Variants in NF2 observed in about 807,000 individuals in gnomAD.
NF2 encodes the protein NF2, moesin-ezrin-radixin like (MERLIN) tumor suppressor, also known as merlin.
In NF2, 8 loss-of-function variants were observed where a neutral mutation model predicts 83.7. The ratio of observed to expected loss-of-function variants is 0.10; its 90% CI spans 0.06 to 0.17. The LOEUF (loss-of-function observed/expected upper bound fraction) is 0.17, where lower values mean the gene tolerates loss of function less well. Ranked by LOEUF, NF2 falls within the 10% of genes least tolerant of loss-of-function variation. The pLI is 1.00. For synonymous variants in NF2, 266 were observed against 269.6 expected (o/e 0.99, Z 0.13); for missense variants, 533 against 744.4 (o/e 0.72, Z 3.31).
intron 1 of NF2, among the ~76,000 whole-genome samples, chr22:29,622,646 ATTTTTTTTTTTTTTTTT>A (rs35744962): frequency 1.6e-5 from 1 of 63,260 alleles, no homozygotes; most frequent in African/African-American, 6.2e-5. Context: ...AAGACCCTGT[ATTTTTTTTTTTTTTTTT>A]TTTTTTTTTT....
At chr22:29,642,960 CTTTTTTT>C (rs566160360) in intron 4 of NF2, among the ~76,000 whole-genome samples, 26 of 144,742 alleles carry the variant, frequency 1.8e-4, no homozygotes, top group Non-Finnish European at 3.5e-4. Flanking sequence ...CACTATAGAC[CTTTTTTT>C]TTTTTTTACA....
chr22:29,695,208 C>A lies in NF2; in HGVS notation c.*406C>A. The A allele has an allele frequency of 5.1e-6, 2 of 391,438 alleles. No homozygotes were observed. The highest frequency in any genetic ancestry group is 7.4e-5 in the Admixed American group (2 of 26,916). The allele number at this position is 391,438 out of a possible 1,614,324, so 24.2% of individuals were successfully genotyped here. Reference sequence around the variant, plus strand: ...GAGAAGCCAGTGCCATCATCCCCACCCCGCCCAGGGTTCCGGAACATTCAT... The same window carrying A: ...GAGAAGCCAGTGCCATCATCCCCACACCGCCCAGGGTTCCGGAACATTCAT... On this transcript the variant is annotated 3_prime_UTR_variant, in exon 16 of 16. Coordinates refer to ENST00000338641, the MANE Select transcript of NF2 (RefSeq NM_000268.4). This position sits in a 1 kb window ranked among gnomAD's most constrained non-coding sequence, Gnocchi z 5.4.
intron 10 of NF2, among the ~76,000 whole-genome samples, chr22:29,670,104 T>C (rs759675264): frequency 2.6e-5 from 4 of 152,036 alleles, no homozygotes; most frequent in Non-Finnish European, 4.4e-5. Context: ...GCTTGAGCAA[T>C]CCTTCTGCCT....
intron 1 of NF2, among the ~76,000 whole-genome samples, chr22:29,626,424 T>A (rs1569274001): frequency 6.6e-6 from 1 of 152,032 alleles, no homozygotes; most frequent in Non-Finnish European, 1.5e-5. Context: ...AGTGCTGGGA[T>A]TACATGTGCG....
intron 1 of NF2, among the ~76,000 whole-genome samples, chr22:29,624,826 T>TTTC (rs1491127316): frequency 1.4e-5 from 2 of 141,176 alleles, no homozygotes; most frequent in African/African-American, 5.3e-5. Context: ...TCTTTCTTTC[T>TTTC]TTCTTTCTTT....
At chr22:29,637,105 C>T (rs1042749333) in intron 2 of NF2, among the ~76,000 whole-genome samples, 27 of 152,204 alleles carry the variant, frequency 1.8e-4, no homozygotes, top group Non-Finnish European at 2.5e-4. Context: ...GCTGCTGGCC[C>T]TGGCTTCTTT....
chr22:29,654,821 G>A, intron 5 of NF2, 96 bp downstream of exon 5: 2 of 903,222 alleles, frequency 2.2e-6, no homozygotes, highest in South Asian at 1.3e-5. Flanking sequence ...GAAGTACATA[G>A]CAATTTAATT....
chr22:29,644,254 G>A (rs1277779304), intron 4 of NF2, among the ~76,000 whole-genome samples: 4 of 151,348 alleles, frequency 2.6e-5, no homozygotes, highest in South Asian at 2.1e-4. Context: ...GGTGGCGGCC[G>A]GGCAGAGGCG....
chr22:29,613,782 T>TG lies in NF2; in HGVS notation c.114+9672dup, dbSNP rs1435626225. Among the ~76,000 whole-genome samples, 4 of 150,696 alleles carry TG rather than the reference T, an allele frequency of 2.7e-5. No individual in the cohort carries two copies. In the South Asian group the frequency reaches 6.3e-4, roughly 24 times the overall value. Reference sequence around the variant, plus strand: ...TTCTTTTTTCTTTTTTTTTTTGAGATGGAGTCTCGCTCTGTCATCTAGGCT... The same window carrying TG: ...TTCTTTTTTCTTTTTTTTTTTGAGATGGGAGTCTCGCTCTGTCATCTAGGCT... On this transcript the variant is annotated intron_variant, in intron 1 of 15. Coordinates refer to ENST00000338641, the MANE Select transcript of NF2 (RefSeq NM_000268.4).
At chr22:29,648,827 C>G (rs960038494) in intron 4 of NF2, among the ~76,000 whole-genome samples, 4 of 152,170 alleles carry the variant, frequency 2.6e-5, no homozygotes, top group Non-Finnish European at 5.9e-5. Flanking sequence ...AGGGCACAAA[C>G]TCTATACCCG....
chr22:29,655,717 T>C (rs775854856), intron 6 of NF2, 41 bp downstream of exon 6: 3 of 146,046 alleles, frequency 2.1e-5, no homozygotes, highest in African/African-American at 2.8e-5. Flanking sequence ...CTTTATGGGC[T>C]TTTTTTTTTT....
intron 1 of NF2, among the ~76,000 whole-genome samples, chr22:29,628,646 T>G (rs1305002835): frequency 6.7e-6 from 1 of 149,480 alleles, no homozygotes. Flanking sequence ...TTTTTTTTTT[T>G]TTTTGAGATA....
intron 8 of NF2, among the ~76,000 whole-genome samples, chr22:29,663,300 A>C (rs1184955834): frequency 6.6e-6 from 1 of 152,220 alleles, no homozygotes; most frequent in Admixed American, 6.5e-5. Context: ...AAAGAAGCCA[A>C]GGATTGAAAT....
At chr22:29,621,524 G>T (rs151269652) in intron 1 of NF2, among the ~76,000 whole-genome samples, 1 of 151,892 alleles carries the variant, frequency 6.6e-6, no homozygotes, top group African/African-American at 2.4e-5. Flanking sequence ...AAAATTAGCC[G>T]GTTGTGGTGG....
chr22:29,642,003 C>T (rs759118934), intron 3 of NF2, among the ~76,000 whole-genome samples, 199 bp from the exon 4 acceptor site: 3 of 152,082 alleles, frequency 2.0e-5, no homozygotes, highest in Non-Finnish European at 4.4e-5. Flanking sequence ...TATGCATAGC[C>T]GTCATACCAG....
At chr22:29,662,288 A>G (rs1047943986) in intron 8 of NF2, among the ~76,000 whole-genome samples, 2 of 152,008 alleles carry the variant, frequency 1.3e-5, no homozygotes, top group African/African-American at 2.4e-5. Flanking sequence ...GTGTGCCACC[A>G]CATCTGGCTA....
chr22:29,624,842 TTTCTTTCTTTC>T (rs975776562), intron 1 of NF2, among the ~76,000 whole-genome samples: 1 of 150,312 alleles, frequency 6.7e-6, no homozygotes, highest in Non-Finnish European at 1.5e-5. Context: ...TCTTTCTTTC[TTTCTTTCTTTC>T]TTTCTTTCTT....
intron 1 of NF2, among the ~76,000 whole-genome samples, chr22:29,611,443 C>G (rs1024180473): frequency 2.6e-5 from 4 of 152,214 alleles, no homozygotes; most frequent in African/African-American, 9.6e-5. Flanking sequence ...GGGAGGATTG[C>G]TTGAACCTGG....
chr22:29,612,617 G>A (rs1394452872), intron 1 of NF2, among the ~76,000 whole-genome samples: 1 of 151,936 alleles, frequency 6.6e-6, no homozygotes, highest in African/African-American at 2.4e-5. Context: ...GATTACAGGT[G>A]TGAGCCACCG....
Sources: allele counts gnomAD v4.1 joint callset (sites outside exome capture counted in the v4.1 genomes callset), GRCh38; gene constraint gnomAD v4.1.1; non-coding constraint Gnocchi (gnomAD v3.1); transcripts MANE v1.5; gene names NCBI Gene and HGNC (gene_info 2026-07-23, HGNC 2026-07-21).